NFATC3: variants seen among roughly 807,000 people sequenced by gnomAD.
The protein encoded by NFATC3 is nuclear factor of activated T-cells, cytoplasmic 3.
NFATC3 carries 46 observed loss-of-function variants against 98.6 expected under a neutral mutation model. That is an observed-to-expected ratio of 0.47 (90% CI 0.37 to 0.60). The LOEUF is 0.60. Among genes scored for constraint, NFATC3 ranks in the 20% least tolerant of loss-of-function variants. The probability of loss-of-function intolerance (pLI) is 0.00; values close to 1 mark genes in which losing one functional copy is unlikely to be tolerated. For missense variants in NFATC3, 1,256 were observed against 1,295.5 expected (o/e 0.97, Z 0.47); for synonymous variants, 512 against 472.2 (o/e 1.08, Z -1.09).
chr16:68,165,376 T>C (rs2039138766), intron 4 of NFATC3, among the ~76,000 whole-genome samples: 1 of 149,842 alleles, frequency 6.7e-6, no homozygotes, highest in African/African-American at 2.4e-5. Context: ...TTGGTTGTCT[T>C]TTTTTTTTTC....
intron 6 of NFATC3, among the ~76,000 whole-genome samples, chr16:68,175,850 A>C (rs1028106872): frequency 1.4e-4 from 21 of 152,076 alleles, no homozygotes; most frequent in Admixed American, 9.2e-4. Context: ...GCCAGTCATG[A>C]AAGACTGTTT....
At chr16:68,131,637 C>A (rs1598415022) in intron 3 of NFATC3, among the ~76,000 whole-genome samples, 1 of 150,988 alleles carries the variant, frequency 6.6e-6, no homozygotes, top group African/African-American at 2.4e-5. Context: ...AGATACCAAG[C>A]ACAATCAAGG....
At chr16:68,116,386 A>G (rs1039850712) in intron 1 of NFATC3, among the ~76,000 whole-genome samples, 10 of 152,144 alleles carry the variant, frequency 6.6e-5, no homozygotes, top group Non-Finnish European at 1.0e-4. Flanking sequence ...AAAAACATTC[A>G]TAAGACAACT....
At chr16:68,221,382 A>G in intron 9 of NFATC3, 2 of 1,537,490 alleles carry the variant, frequency 1.3e-6, no homozygotes. Context: ...AGTTATTGCT[A>G]AAGGTCTGTG....
intron 1 of NFATC3, among the ~76,000 whole-genome samples, chr16:68,091,845 C>G (rs1283248024): frequency 6.6e-6 from 1 of 152,142 alleles, no homozygotes; most frequent in Non-Finnish European, 1.5e-5. Flanking sequence ...AAACAATATC[C>G]AAGTCATCAA....
rs1372003646 is a variant in NFATC3 at position 68,134,301 on chromosome 16, A to T, written c.1401+7691A>T. On this transcript the variant is annotated intron_variant, in intron 3 of 9. Coordinates refer to ENST00000346183, the MANE Select transcript of NFATC3 (RefSeq NM_173165.3). ...CTTGGCCTCCCAAGTATCTGGCACTACAGGCATGTACCACCACGCTTGGCT... is the reference window on the plus strand; with the variant it reads ...CTTGGCCTCCCAAGTATCTGGCACTTCAGGCATGTACCACCACGCTTGGCT... Among the ~76,000 whole-genome samples the T allele has an allele frequency of 3.9e-5, 6 of 152,154 alleles. No individual in the cohort carries two copies. The East Asian group carries it at 1.2e-3, about 29-fold the overall frequency.
intron 8 of NFATC3, among the ~76,000 whole-genome samples, chr16:68,184,000 G>A (rs1175711001): frequency 5.7e-5 from 6 of 105,520 alleles, no homozygotes; most frequent in South Asian, 3.2e-4. Flanking sequence ...GCGAAACTCC[G>A]TCACAAAAAA....
chr16:68,153,564 A>G (rs1306122069), intron 3 of NFATC3, among the ~76,000 whole-genome samples: 4 of 152,216 alleles, frequency 2.6e-5, no homozygotes, highest in Non-Finnish European at 4.4e-5. Flanking sequence ...TGTGACCAGC[A>G]TTGACAACAT....
chr16:68,162,221 A>G (rs1253346479), intron 4 of NFATC3, among the ~76,000 whole-genome samples: 1 of 152,232 alleles, frequency 6.6e-6, no homozygotes, highest in East Asian at 1.9e-4. Flanking sequence ...AATAAGGGGC[A>G]ACTAGGATGT....
chr16:68,228,381 G>T lies in NFATC3; in HGVS notation c.*1910G>T, dbSNP rs2042075929. 1 of 152,132 alleles carries T rather than the reference G, an allele frequency of 6.6e-6. No individual in the cohort carries two copies. The highest frequency in any genetic ancestry group is 2.4e-5 in the African/African-American group (1 of 41,428). 9.4% of individuals were successfully genotyped at this position (152,132 alleles called of 1,614,324 possible). Reference sequence around the variant, plus strand: ...ACATTCCAGAGAAATGGCCAGACTTGCCCCTACCCTTTTGCCCCTGGTGTA... The same window carrying T: ...ACATTCCAGAGAAATGGCCAGACTTTCCCCTACCCTTTTGCCCCTGGTGTA... On this transcript the variant is annotated 3_prime_UTR_variant, in exon 10 of 10. Transcript: ENST00000346183.
At chr16:68,157,737 T>C (rs937231304) in intron 3 of NFATC3, 132 bp from the exon 4 acceptor site, 1 of 666,826 alleles carries the variant, frequency 1.5e-6, no homozygotes, top group African/African-American at 1.9e-5. Context: ...TTACTTTTGG[T>C]TGTATTTTTT....
chr16:68,206,750 A>C (rs778573265), intron 9 of NFATC3, among the ~76,000 whole-genome samples: 59 of 152,100 alleles, frequency 3.9e-4, no homozygotes, highest in Admixed American at 9.2e-4. Flanking sequence ...TGGGAAGCTG[A>C]GGTGGGTGGA....
chr16:68,205,886 G>A (rs1447014015), intron 9 of NFATC3, among the ~76,000 whole-genome samples: 1 of 151,418 alleles, frequency 6.6e-6, no homozygotes, highest in Non-Finnish European at 1.5e-5. Context: ...TTGAATATTT[G>A]CACCACTATC....
At chr16:68,174,600 A>G (rs996883589) in intron 6 of NFATC3, 86 bp downstream of exon 6, 27 of 1,177,272 alleles carry the variant, frequency 2.3e-5, no homozygotes, top group Admixed American at 6.0e-5. Context: ...CAAAAATTAC[A>G]AAGTAGTTTT....
intron 3 of NFATC3, among the ~76,000 whole-genome samples, chr16:68,153,618 T>A (rs1480732677): frequency 6.6e-6 from 1 of 152,056 alleles, no homozygotes; most frequent in African/African-American, 2.4e-5. Context: ...TTATTATTAT[T>A]ATTTTTATTT....
In NFATC3 at chr16:68,191,303, T is replaced by C. The variant is rs1179280454; in HGVS notation, c.2634T>C (p.His878=). The C allele has an allele frequency of 4.3e-6, 7 of 1,614,192 alleles. No homozygotes were observed. Among genetic ancestry groups the C allele is most frequent in the Non-Finnish European group, 5.9e-6 (7 of 1,180,036 alleles). Residue 878 remains histidine, a synonymous_variant, in exon 9 of 10, where the codon CAT becomes CAC. Coordinates refer to ENST00000346183, the MANE Select transcript of NFATC3 (RefSeq NM_173165.3). ...HTPHSVHTLP[H]LQSMGYHCSN... is the part of the protein sequence containing the mutation. ...CTCATTCTGTGCATACCCTGCCTCA[T>C]CTGCAATCAATGGGATATCATTGTT...
chr16:68,122,223 A>T lies in NFATC3; in HGVS notation c.340A>T (p.Thr114Ser). The T allele has an allele frequency of 6.2e-7, 1 of 1,614,158 alleles. No individual in the cohort carries two copies. The highest frequency in any genetic ancestry group is 8.5e-7 in the Non-Finnish European group (1 of 1,180,024). The change falls in exon 2 of 10, where the codon ACA becomes TCA. Residue 114 changes from threonine to serine, a missense_variant. Physicochemically the swap from Thr to Ser is moderately conservative, Grantham distance 58. Transcript: ENST00000346183. The stretch of plus-strand genomic sequence containing the variant: ...CTTTGAGTGCCCAAGTATTCAAATT[A>T]CATCTATCTCTCCTAACTGTCATCA... Reference protein sequence around the residue: ...KPFECPSIQITSISPNCHQEL... With the variant: ...KPFECPSIQISSISPNCHQEL...
rs1270089897 is a variant in NFATC3, at chr16:68,126,500, T to C, written c.1291T>C (p.Cys431Arg). The change falls in exon 3 of 10, where the codon TGT becomes CGT. Residue 431 changes from cysteine (C) to arginine (R), a missense_variant. By Grantham distance (180) the Cys-to-Arg change is radical (BLOSUM62 -3). Coordinates refer to ENST00000346183, the MANE Select transcript of NFATC3 (RefSeq NM_173165.3). ...GCCTTTACCAGCTCATTTTGGACAA[T>C]GTGAACTGAAAATAGAAGTGCAACC... is the stretch of plus-strand genomic sequence containing the variant. ...DWPLPAHFGQ[C>R]ELKIEVQPKT... 1 of 1,613,956 alleles carries C rather than the reference T, an allele frequency of 6.2e-7. No individual in the cohort carries two copies. Among genetic ancestry groups the C allele is most frequent in the Non-Finnish European group, 8.5e-7 (1 of 1,179,988 alleles).
At position 68,191,323 on chromosome 16, in the gene NFATC3, A is replaced by G; in HGVS notation, c.2654A>G (p.His885Arg). 6.2e-7 allele frequency: 1 copy of G among 1,614,134 alleles called. No individual in the cohort carries two copies. Among genetic ancestry groups the G allele is most frequent in the Non-Finnish European group, 8.5e-7 (1 of 1,180,006 alleles). Residue 885 changes from histidine to arginine, a missense_variant, in exon 9 of 10, where the codon CAT becomes CGT. Physicochemically the swap from His to Arg is conservative, Grantham distance 29 (BLOSUM62 0). Transcript: ENST00000346183. Reference protein sequence around the residue: ...TLPHLQSMGYHCSNTGQRSLS... With the variant: ...TLPHLQSMGYRCSNTGQRSLS... ...CCTCATCTGCAATCAATGGGATATC[A>G]TTGTTCAAATACAGGACAAAGATCT... is the stretch of plus-strand genomic sequence containing the variant.
Sources: allele counts gnomAD v4.1 joint callset (sites outside exome capture counted in the v4.1 genomes callset), GRCh38; gene constraint gnomAD v4.1.1; transcripts MANE v1.5; gene names NCBI Gene and HGNC (gene_info 2026-07-23, HGNC 2026-07-21).